The following NRG3 variants were observed in gnomAD, a reference collection of about 807,000 sequenced individuals.
The protein encoded by NRG3 is neuregulin 3, also known as pro-neuregulin-3, membrane-bound isoform.
A neutral mutation model predicts 66.9 loss-of-function variants in NRG3; 31 were observed. That is an observed-to-expected ratio of 0.46 (90% CI 0.35 to 0.63). NRG3 has a LOEUF of 0.63. Ranked by LOEUF, NRG3 falls within the 20% of genes least tolerant of loss-of-function variation. NRG3 has a pLI of 0.00. For missense variants in NRG3, 910 were observed against 878.9 expected (o/e 1.04, Z -0.45); for synonymous variants, 393 against 359.4 (o/e 1.09, Z -1.06).
At chr10:81,916,164 C>G (rs1184034431) in intron 1 of NRG3, among the ~76,000 whole-genome samples, 1 of 152,042 alleles carries the variant, frequency 6.6e-6, no homozygotes, top group Non-Finnish European at 1.5e-5. Flanking sequence ...GTTTCAAAGG[C>G]CTTTTCACCA....
At chr10:81,950,803 A>G (rs562433550) in intron 1 of NRG3, among the ~76,000 whole-genome samples, 3 of 152,316 alleles carry the variant, frequency 2.0e-5, no homozygotes, top group African/African-American at 7.2e-5. Context: ...GCTTTATGGA[A>G]AGAATGATAC....
chr10:82,063,512 C>CTT lies in NRG3; in HGVS notation c.823+187359_823+187360dup, dbSNP rs60251056. On this transcript the variant is annotated intron_variant, in intron 1 of 8. Transcript: ENST00000372141. The stretch of plus-strand genomic sequence containing the variant: ...ATATTTTTTAGAGGCAGGAAAAGAT[C>CTT]TTTTTTTTTTTGTCAGATGAAATGT... Among the ~76,000 whole-genome samples the CTT allele has an allele frequency of 1.0e-2, 1,468 of 147,452 alleles. 27 individuals are homozygous for CTT. Among genetic ancestry groups the CTT allele is most frequent in the African/African-American group, 0.029 (1,162 of 40,148 alleles).
At chr10:82,344,130 G>A (rs1414733339) in intron 1 of NRG3, among the ~76,000 whole-genome samples, 5 of 148,358 alleles carry the variant, frequency 3.4e-5, no homozygotes, top group African/African-American at 5.1e-5. Flanking sequence ...AGTTACATAC[G>A]TATACATGTG....
chr10:82,298,933 C>T (rs934034117), intron 1 of NRG3, among the ~76,000 whole-genome samples: 8 of 152,254 alleles, frequency 5.3e-5, no homozygotes, highest in South Asian at 2.1e-4. Flanking sequence ...GAGCTGAGGT[C>T]GGCTCCTCAA....
At chr10:82,075,083 G>A (rs1220065210) in intron 1 of NRG3, among the ~76,000 whole-genome samples, 3 of 152,110 alleles carry the variant, frequency 2.0e-5, no homozygotes, top group East Asian at 1.9e-4. Context: ...GATGCTTAGC[G>A]ATATAAACTT....
intron 1 of NRG3, among the ~76,000 whole-genome samples, chr10:82,259,867 A>C (rs545600622): frequency 4.8e-4 from 73 of 152,236 alleles, no homozygotes; most frequent in African/African-American, 1.7e-3. Flanking sequence ...AGGAGTTTGA[A>C]GTTACCATGA....
intron 1 of NRG3, chr10:82,225,294 CAT>C (rs1396620879): frequency 6.6e-6 from 1 of 152,176 alleles, no homozygotes; most frequent in Non-Finnish European, 1.5e-5. Context: ...CTTTAAAAAA[CAT>C]ATGCTACTTT....
chr10:82,123,214 T>C (rs751420483), intron 1 of NRG3, among the ~76,000 whole-genome samples: 10 of 152,174 alleles, frequency 6.6e-5, no homozygotes, highest in Non-Finnish European at 1.0e-4. Flanking sequence ...TTACTAGAAG[T>C]ATTTGGAGAT....
chr10:82,538,781 A>C (rs2043338759), intron 2 of NRG3, among the ~76,000 whole-genome samples: 1 of 152,186 alleles, frequency 6.6e-6, no homozygotes, highest in African/African-American at 2.4e-5. Context: ...ATTACCTTCG[A>C]GGCCAAAATA....
intron 1 of NRG3, among the ~76,000 whole-genome samples, chr10:81,984,358 CTGTTAT>C (rs575094516): frequency 1.3e-5 from 2 of 152,320 alleles, no homozygotes; most frequent in South Asian, 4.1e-4. Context: ...ACTATTACCA[CTGTTAT>C]TAATTTATCC....
chr10:82,856,807 G>T (rs2135884740), intron 3 of NRG3, among the ~76,000 whole-genome samples: 1 of 149,592 alleles, frequency 6.7e-6, no homozygotes, highest in Admixed American at 6.7e-5. Flanking sequence ...AGTGCCCAGT[G>T]ACAAAATGCA....
intron 1 of NRG3, among the ~76,000 whole-genome samples, chr10:81,913,448 G>A (rs1043688696): frequency 6.6e-6 from 1 of 151,028 alleles, no homozygotes; most frequent in African/African-American, 2.4e-5. Flanking sequence ...CTTTGAGACA[G>A]AGTCTCACTC....
intron 1 of NRG3, among the ~76,000 whole-genome samples, chr10:82,150,528 C>CAAAAAAAAAAAAAAAAAAAAAA (rs1264827514): frequency 7.7e-5 from 4 of 51,722 alleles, no homozygotes; most frequent in African/African-American, 1.7e-4. Context: ...AAAGAGCACA[C>CAAAAAAAAAAAAAAAAAAAAAA]ACAAAAAAAA....
chr10:81,993,500 C>T (rs1426706711), intron 1 of NRG3, among the ~76,000 whole-genome samples: 1 of 152,032 alleles, frequency 6.6e-6, no homozygotes, highest in African/African-American at 2.4e-5. Flanking sequence ...ATGCATGCCA[C>T]CACAACCAGC....
intron 1 of NRG3, among the ~76,000 whole-genome samples, chr10:82,212,951 G>A (rs1000864558): frequency 1.2e-4 from 18 of 152,098 alleles, no homozygotes; most frequent in African/African-American, 4.1e-4. Flanking sequence ...TTTTTAAATT[G>A]AGATGCAATT....
intron 1 of NRG3, among the ~76,000 whole-genome samples, chr10:82,289,517 TATA>T (rs1354014038): frequency 6.6e-6 from 1 of 152,242 alleles, no homozygotes; most frequent in African/African-American, 2.4e-5. Flanking sequence ...AGTTTATCCT[TATA>T]ATAACTTGTC....
intron 1 of NRG3, among the ~76,000 whole-genome samples, chr10:81,883,111 G>C (rs1478473375): frequency 6.6e-6 from 1 of 152,078 alleles, no homozygotes; most frequent in Admixed American, 6.5e-5. Flanking sequence ...ATTTTGGAGA[G>C]AATTTGTGTG....
intron 2 of NRG3, among the ~76,000 whole-genome samples, chr10:82,716,541 G>A (rs940748392): frequency 6.6e-6 from 1 of 152,138 alleles, no homozygotes; most frequent in African/African-American, 2.4e-5. Flanking sequence ...GTTAAAAAGG[G>A]TGCAGATATA....
chr10:82,422,643 GT>G (rs77037033), intron 2 of NRG3, among the ~76,000 whole-genome samples: 32,650 of 151,784 alleles, frequency 0.22, 5,129 homozygotes, highest in African/African-American at 0.44. Context: ...TTTTTGTTTT[GT>G]TTTGTTTTGA....
Sources: gnomAD v4.1 joint callset for allele counts (sites outside exome capture counted in the v4.1 genomes callset) on GRCh38, gnomAD v4.1.1 for gene constraint, MANE v1.5 for transcripts, NCBI Gene and HGNC (gene_info 2026-07-23, HGNC 2026-07-21) for gene names.